ATP1B3: variants seen among roughly 807,000 people sequenced by gnomAD.
The protein encoded by ATP1B3 is sodium/potassium-transporting ATPase subunit beta-3.
In ATP1B3, 10 loss-of-function variants were observed where a neutral mutation model predicts 30.2. The observed-to-expected ratio is 0.33, with a 90% CI of 0.20 to 0.56. The LOEUF (loss-of-function observed/expected upper bound fraction) is 0.56, where lower values mean the gene tolerates loss of function less well. ATP1B3 is among the 20% of genes least tolerant of loss of function. The pLI, the probability that ATP1B3 is intolerant of heterozygous loss-of-function variation, is 0.90. For missense variants in ATP1B3, 238 were observed against 336.7 expected (o/e 0.71, Z 2.29); for synonymous variants, 113 against 117.0 (o/e 0.97, Z 0.22).
chr3:141,876,813 C>G lies in ATP1B3; in HGVS notation c.12C>G (p.Asn4Lys). 3.8e-6 allele frequency: 6 copies of G among 1,590,074 alleles called. No individual in the cohort carries two copies. Among genetic ancestry groups the G allele is most frequent in the Non-Finnish European group, 5.1e-6 (6 of 1,167,608 alleles). The part of the protein sequence containing the change: MTK[N>K]EKKSLNQSLA... ...TCCGCGCGCACACCATGACGAAGAACGAGAAGAAGTCCCTCAACCAGAGCC... is the reference window on the plus strand; with the variant it reads ...TCCGCGCGCACACCATGACGAAGAAGGAGAAGAAGTCCCTCAACCAGAGCC... Residue 4 changes from asparagine to lysine, a missense_variant, in exon 1 of 7, where the codon AAC (asparagine) becomes AAG (lysine). Physicochemically the swap from Asn to Lys is moderately conservative, Grantham distance 94. Transcript: ENST00000286371.
At chr3:141,923,158 A>G in intron 6 of ATP1B3, among the ~76,000 whole-genome samples, 1 of 150,682 alleles carries the variant, frequency 6.6e-6, no homozygotes. Flanking sequence ...GGTGCATGTA[A>G]TCCCAGCTAC....
At chr3:141,921,098 A>ATTTAATAATGTTTTAT (rs1324669669) in intron 5 of ATP1B3, among the ~76,000 whole-genome samples, 1 of 152,112 alleles carries the variant, frequency 6.6e-6, no homozygotes, top group Admixed American at 6.5e-5. Context: ...AAATTCAAGT[A>ATTTAATAATGTTTTAT]TTTAATAATG....
At chr3:141,903,908 C>T (rs1934214838) in intron 2 of ATP1B3, among the ~76,000 whole-genome samples, 160 bp downstream of exon 2, 1 of 152,144 alleles carries the variant, frequency 6.6e-6, no homozygotes, top group East Asian at 1.9e-4. Flanking sequence ...CCTCAGCCTG[C>T]TAAGTAGCTG....
intron 3 of ATP1B3, among the ~76,000 whole-genome samples, chr3:141,912,227 T>C (rs1375894875): frequency 6.6e-6 from 1 of 152,080 alleles, no homozygotes; most frequent in African/African-American, 2.4e-5. Flanking sequence ...GTAAAGACTT[T>C]ACACTTCCTT....
intron 1 of ATP1B3, among the ~76,000 whole-genome samples, chr3:141,889,050 C>T (rs113660813): frequency 0.022 from 3,253 of 149,934 alleles, 114 homozygotes; most frequent in African/African-American, 0.074. Flanking sequence ...CAAGGCACTT[C>T]TTATTCTTAC....
chr3:141,925,038 G>A (rs886692528), intron 6 of ATP1B3, among the ~76,000 whole-genome samples: 1 of 152,176 alleles, frequency 6.6e-6, no homozygotes, highest in African/African-American at 2.4e-5. Flanking sequence ...GACAAGGCAA[G>A]AGGATCACTT....
chr3:141,888,615 T>C (rs542357365), intron 1 of ATP1B3, among the ~76,000 whole-genome samples: 31 of 152,284 alleles, frequency 2.0e-4, no homozygotes, highest in African/African-American at 7.0e-4. Flanking sequence ...TCACATGATA[T>C]GGCTTGGCTG....
At chr3:141,878,746 G>A (rs1465337030) in intron 1 of ATP1B3, among the ~76,000 whole-genome samples, 2 of 152,212 alleles carry the variant, frequency 1.3e-5, no homozygotes, top group South Asian at 2.1e-4. Context: ...CTTCAAAATC[G>A]ATAAGTATTA....
chr3:141,900,819 G>C, intron 1 of ATP1B3, among the ~76,000 whole-genome samples: 1 of 152,254 alleles, frequency 6.6e-6, no homozygotes. Flanking sequence ...GTCTCTCTCT[G>C]TCACCCAGGT....
intron 3 of ATP1B3, among the ~76,000 whole-genome samples, chr3:141,909,793 A>G (rs1934329284): frequency 6.6e-6 from 1 of 152,234 alleles, no homozygotes; most frequent in Admixed American, 6.5e-5. Context: ...GAACAATAAC[A>G]TGATCTAATT....
intron 1 of ATP1B3, among the ~76,000 whole-genome samples, chr3:141,877,235 C>T (rs920243204): frequency 6.6e-6 from 1 of 151,950 alleles, no homozygotes; most frequent in Non-Finnish European, 1.5e-5. Context: ...GGACCCCTGC[C>T]CGAAGCCGGG....
chr3:141,913,386 G>C (rs1214613300), intron 3 of ATP1B3, among the ~76,000 whole-genome samples: 2 of 152,144 alleles, frequency 1.3e-5, no homozygotes, highest in Non-Finnish European at 2.9e-5. Flanking sequence ...TAATGCTTTA[G>C]CCATGGCTGG....
intron 2 of ATP1B3, among the ~76,000 whole-genome samples, chr3:141,904,256 C>T (rs1324333268): frequency 1.3e-5 from 2 of 150,342 alleles, no homozygotes; most frequent in East Asian, 3.9e-4. Flanking sequence ...CATTTATATA[C>T]TGATAAATCT....
chr3:141,895,025 T>A (rs1934033750), intron 1 of ATP1B3, among the ~76,000 whole-genome samples: 1 of 152,064 alleles, frequency 6.6e-6, no homozygotes, highest in Admixed American at 6.6e-5. Flanking sequence ...AGCTTTATTA[T>A]GATCTTAATG....
At chr3:141,890,629 GGTTTTGCC>G (rs1376319382) in intron 1 of ATP1B3, among the ~76,000 whole-genome samples, 3 of 149,516 alleles carry the variant, frequency 2.0e-5, no homozygotes, top group African/African-American at 7.7e-5. Flanking sequence ...GTAGAGACTG[GGTTTTGCC>G]ATGTTGCCCA....
chr3:141,886,174 G>A (rs879506126), intron 1 of ATP1B3, among the ~76,000 whole-genome samples: 5 of 152,100 alleles, frequency 3.3e-5, no homozygotes, highest in South Asian at 2.1e-4. Context: ...GTATGTGGGC[G>A]TGGAGCTGTT....
At chr3:141,914,916 T>G (rs1342084115) in intron 4 of ATP1B3, among the ~76,000 whole-genome samples, 1 of 152,152 alleles carries the variant, frequency 6.6e-6, no homozygotes, top group Non-Finnish European at 1.5e-5. Flanking sequence ...AGTAAATGAT[T>G]AGTGGAATGT....
At chr3:141,902,178 C>T (rs901364208) in intron 1 of ATP1B3, 14 of 1,289,824 alleles carry the variant, frequency 1.1e-5, no homozygotes, top group Middle Eastern at 2.1e-4. Flanking sequence ...CTGAAGGTGA[C>T]ATCCTGTTCT....
intron 1 of ATP1B3, among the ~76,000 whole-genome samples, chr3:141,877,355 C>G (rs920274904): frequency 6.6e-6 from 1 of 152,090 alleles, no homozygotes; most frequent in East Asian, 1.9e-4. Context: ...AGAAGCCAGA[C>G]CCTGCCCCAC....
Sources: allele counts gnomAD v4.1 joint callset (sites outside exome capture counted in the v4.1 genomes callset), GRCh38; gene constraint gnomAD v4.1.1; transcripts MANE v1.5; gene names NCBI Gene and HGNC (gene_info 2026-07-23, HGNC 2026-07-21).